Variants in CHST8 observed in about 807,000 individuals in gnomAD.
CHST8 encodes the protein GALNAC-4-ST1.
In CHST8, 10 loss-of-function variants were observed where a neutral mutation model predicts 15.0. That is an observed-to-expected ratio of 0.67 (90% CI 0.41 to 1.13). CHST8 has a LOEUF of 1.13. Ranked by LOEUF, CHST8 falls within the 50% of genes most tolerant of loss-of-function variation. CHST8 has a pLI of 0.00. For missense variants in CHST8, 634 were observed against 608.2 expected (o/e 1.04, Z -0.45); for synonymous variants, 259 against 256.6 (o/e 1.01, Z -0.09).
intron 3 of CHST8, among the ~76,000 whole-genome samples, chr19:33,690,268 CCACT>C (rs1195801358): frequency 6.6e-6 from 1 of 152,146 alleles, no homozygotes; most frequent in Non-Finnish European, 1.5e-5. Flanking sequence ...GCAGGGACAC[CCACT>C]CACTCTCTCT....
At chr19:33,749,071 G>GA (rs1401284180) in intron 3 of CHST8, among the ~76,000 whole-genome samples, 1 of 152,180 alleles carries the variant, frequency 6.6e-6, no homozygotes, top group East Asian at 1.9e-4. Flanking sequence ...CCCCCAGCAG[G>GA]AGAGGCCCTG....
intron 1 of CHST8, among the ~76,000 whole-genome samples, chr19:33,664,164 G>GT (rs1972621713): frequency 6.6e-6 from 1 of 152,114 alleles, no homozygotes; most frequent in South Asian, 2.1e-4. Context: ...ATTGTTTGAA[G>GT]TTTTTTCCTG....
intron 1 of CHST8, among the ~76,000 whole-genome samples, chr19:33,652,596 G>A (rs896005414): frequency 3.3e-5 from 5 of 151,896 alleles, no homozygotes; most frequent in Non-Finnish European, 7.4e-5. Flanking sequence ...GGCTGGTCTC[G>A]AACTTCTGAC....
At chr19:33,650,038 T>C (rs73926569) in intron 1 of CHST8, among the ~76,000 whole-genome samples, 2,512 of 152,258 alleles carry the variant, frequency 0.016, 70 homozygotes, top group African/African-American at 0.057. Context: ...AGGTAATGTT[T>C]ATAACTTGGT....
chr19:33,659,414 AT>A (rs1972556514), intron 1 of CHST8, among the ~76,000 whole-genome samples: 1 of 152,160 alleles, frequency 6.6e-6, no homozygotes, highest in South Asian at 2.1e-4. Flanking sequence ...ATATAAGCCC[AT>A]TTTGCTAAAT....
chr19:33,721,272 C>G (rs931104560), intron 3 of CHST8, among the ~76,000 whole-genome samples: 1 of 152,200 alleles, frequency 6.6e-6, no homozygotes, highest in Non-Finnish European at 1.5e-5. Context: ...CCTGAGCCAA[C>G]TCACATTCCT....
chr19:33,714,168 A>G (rs2145298687), intron 3 of CHST8, among the ~76,000 whole-genome samples: 1 of 152,352 alleles, frequency 6.6e-6, no homozygotes, highest in African/African-American at 2.4e-5. Flanking sequence ...CCAAAGGAAA[A>G]GAAGTCACTC....
chr19:33,716,000 G>A (rs1390278439), intron 3 of CHST8, among the ~76,000 whole-genome samples: 3 of 152,158 alleles, frequency 2.0e-5, no homozygotes, highest in Non-Finnish European at 4.4e-5. Context: ...GTCACCCAAC[G>A]TCTACCAGAC....
chr19:33,674,149 T>G (rs1448205157), intron 2 of CHST8, among the ~76,000 whole-genome samples: 1 of 152,162 alleles, frequency 6.6e-6, no homozygotes, highest in Non-Finnish European at 1.5e-5. Context: ...CTCCTTGCAC[T>G]GGGATGGAGG....
At position 33,638,503 on chromosome 19, in the gene CHST8, A is replaced by T. The variant is rs538937761; in HGVS notation, c.-164+16207A>T. On this transcript the variant is annotated intron_variant, in intron 1 of 4. Coordinates refer to ENST00000650847, the MANE Select transcript of CHST8 (RefSeq NM_001127895.2). ...CTGAATTTCATAAATATTGTATGGG[A>T]CTCCCTCATTGCCACCTTGGCCGGC... Among the ~76,000 whole-genome samples, 50 of 151,356 alleles carry T rather than the reference A, an allele frequency of 3.3e-4. 1 individual carries two copies. The South Asian group carries it at 0.01, about 32-fold the overall frequency.
chr19:33,718,210 CT>C (rs200242584), intron 3 of CHST8, among the ~76,000 whole-genome samples: 7,744 of 151,082 alleles, frequency 0.051, 287 homozygotes, highest in Non-Finnish European at 0.076. Flanking sequence ...ACTGGATTGT[CT>C]TTTTTTCTTT....
intron 3 of CHST8, among the ~76,000 whole-genome samples, chr19:33,692,300 A>C (rs1171449925): frequency 6.6e-6 from 1 of 152,240 alleles, no homozygotes; most frequent in African/African-American, 2.4e-5. Context: ...CCAGGCCCTG[A>C]GGCCAGAGCT....
chr19:33,648,124 C>G (rs10420103), intron 1 of CHST8, among the ~76,000 whole-genome samples: 116,878 of 151,910 alleles, frequency 0.77, 46,421 homozygotes, highest in Non-Finnish European at 0.87. Flanking sequence ...GACAATTCTC[C>G]TAGGGTCAAA....
intron 1 of CHST8, among the ~76,000 whole-genome samples, chr19:33,638,665 T>C (rs558866420): frequency 2.0e-5 from 3 of 152,230 alleles, no homozygotes; most frequent in South Asian, 4.2e-4. Context: ...TCAAATTCTG[T>C]CGGAAAGGGA....
At chr19:33,693,413 A>T (rs189347131) in intron 3 of CHST8, among the ~76,000 whole-genome samples, 1 of 152,338 alleles carries the variant, frequency 6.6e-6, no homozygotes, top group African/African-American at 2.4e-5. Context: ...ATGATTCCTC[A>T]ATAGCATCAA....
intron 3 of CHST8, among the ~76,000 whole-genome samples, chr19:33,757,928 C>A (rs116702253): frequency 1.2e-4 from 18 of 152,022 alleles, no homozygotes; most frequent in African/African-American, 4.4e-4. Context: ...CTTCTCTTGC[C>A]CCAGCCCTTG....
chr19:33,642,914 G>T (rs1183720521), intron 1 of CHST8, among the ~76,000 whole-genome samples: 1 of 152,122 alleles, frequency 6.6e-6, no homozygotes, highest in Admixed American at 6.5e-5. Context: ...CTTTTCCATG[G>T]TGATGAATCT....
At chr19:33,729,494 G>A (rs111804341) in intron 3 of CHST8, among the ~76,000 whole-genome samples, 2,181 of 152,336 alleles carry the variant, frequency 0.014, 26 homozygotes, top group Non-Finnish European at 0.02. Flanking sequence ...TGTGTTAGAC[G>A]CTAGCCTCCA....
At chr19:33,671,745 T>C (rs572537775) in intron 2 of CHST8, among the ~76,000 whole-genome samples, 2 of 151,946 alleles carry the variant, frequency 1.3e-5, no homozygotes, top group Admixed American at 6.6e-5. Flanking sequence ...CCTTAGTATT[T>C]CTCACCCTCT....
Sources: gnomAD v4.1 joint callset for allele counts (sites outside exome capture counted in the v4.1 genomes callset) on GRCh38, gnomAD v4.1.1 for gene constraint, MANE v1.5 for transcripts, NCBI Gene and HGNC (gene_info 2026-07-23, HGNC 2026-07-21) for gene names.